FNDC3B: variants seen among roughly 807,000 people sequenced by gnomAD.
FNDC3B encodes the protein fibronectin type III domain-containing protein 3B.
In FNDC3B, 12 loss-of-function variants were observed where a neutral mutation model predicts 151.5. That is an observed-to-expected ratio of 0.08 (90% CI 0.05 to 0.13). The LOEUF is 0.13. Among genes scored for constraint, FNDC3B ranks in the 10% least tolerant of loss-of-function variants. The probability of loss-of-function intolerance (pLI) is 1.00; values close to 1 mark genes in which losing one functional copy is unlikely to be tolerated. For missense variants in FNDC3B, 1,214 were observed against 1,505.3 expected, an observed-to-expected ratio of 0.81 and a Z score of 3.20; for synonymous variants, 528 against 549.0, an observed-to-expected ratio of 0.96 and a Z score of 0.54.
chr3:172,256,040 A>G (rs1728321459), intron 6 of FNDC3B, among the ~76,000 whole-genome samples: 1 of 152,216 alleles, frequency 6.6e-6, no homozygotes, highest in Non-Finnish European at 1.5e-5. Context: ...ATAGATCTCA[A>G]CATTTTAATT....
intron 1 of FNDC3B, among the ~76,000 whole-genome samples, chr3:172,043,071 C>T (rs950616894): frequency 6.6e-6 from 1 of 152,104 alleles, no homozygotes; most frequent in Non-Finnish European, 1.5e-5. Context: ...CTTGCCACCA[C>T]GCCCGGCTAA....
chr3:172,394,090 A>G (rs1011587618), intron 25 of FNDC3B, among the ~76,000 whole-genome samples: 2 of 122,632 alleles, frequency 1.6e-5, no homozygotes, highest in Non-Finnish European at 3.3e-5. Flanking sequence ...CCTGGGTGAC[A>G]GAGTGAGACT....
At chr3:172,271,495 G>A (rs767019659) in intron 6 of FNDC3B, among the ~76,000 whole-genome samples, 59 of 152,246 alleles carry the variant, frequency 3.9e-4, no homozygotes, top group Non-Finnish European at 7.2e-4. Flanking sequence ...TTTTGTTGTT[G>A]TTGTTCAGAA....
intron 6 of FNDC3B, among the ~76,000 whole-genome samples, chr3:172,283,761 T>C (rs1489032996): frequency 6.6e-6 from 1 of 152,212 alleles, no homozygotes. Context: ...CAGTTATCTC[T>C]TGAGATTATA....
chr3:172,381,272 T>C (rs1431458379), intron 25 of FNDC3B, among the ~76,000 whole-genome samples, 179 bp downstream of exon 25: 2 of 152,248 alleles, frequency 1.3e-5, no homozygotes, highest in African/African-American at 4.8e-5. Context: ...CATTTCATTT[T>C]ATATATGGTG....
intron 22 of FNDC3B, among the ~76,000 whole-genome samples, chr3:172,354,888 G>A (rs1734017227): frequency 7.0e-6 from 1 of 143,248 alleles, no homozygotes; most frequent in South Asian, 2.2e-4. Context: ...TTTTTTTTAA[G>A]CCTTCAGCAG....
chr3:172,315,157 G>A (rs1731715597), intron 11 of FNDC3B, among the ~76,000 whole-genome samples: 1 of 152,110 alleles, frequency 6.6e-6, no homozygotes, highest in Non-Finnish European at 1.5e-5. Context: ...CGGGTGGATT[G>A]CCTGAGCTCA....
chr3:172,244,760 G>T (rs1252860109), intron 4 of FNDC3B, among the ~76,000 whole-genome samples: 2 of 151,430 alleles, frequency 1.3e-5, no homozygotes, highest in Non-Finnish European at 2.9e-5. Context: ...GAGTAGCTGG[G>T]ACTACAGGTC....
chr3:172,266,040 C>T (rs534670554), intron 6 of FNDC3B, among the ~76,000 whole-genome samples: 1 of 152,148 alleles, frequency 6.6e-6, no homozygotes, highest in African/African-American at 2.4e-5. Context: ...TCCCTCTGCT[C>T]AATTTGAGGT....
rs140590215 is a variant in FNDC3B at position 172,106,189 on chromosome 3, A to G, written c.-28-6263A>G. Among the ~76,000 whole-genome samples, 394 of 152,272 alleles carry G rather than the reference A, an allele frequency of 2.6e-3. 3 individuals carry two copies. Among genetic ancestry groups the G allele is most frequent in the African/African-American group, 9.0e-3 (373 of 41,544 alleles). The stretch of plus-strand genomic sequence containing the variant: ...CCATCAACCTTTTTTTTAAAGAGAC[A>G]GGGTCTTGCTATGTTGCCCAGGCTG... On this transcript the variant is annotated intron_variant, in intron 1 of 25. Coordinates refer to ENST00000415807, the MANE Select transcript of FNDC3B (RefSeq NM_022763.4).
rs1386211672 is a variant in FNDC3B at position 172,397,509 on chromosome 3, C to T, written c.*34C>T. 2 of 1,367,202 alleles carry T rather than the reference C, an allele frequency of 1.5e-6. No homozygotes were observed. Among genetic ancestry groups the T allele is most frequent in the African/African-American group, 2.9e-5 (2 of 69,202 alleles). 84.7% of individuals were successfully genotyped at this position (1,367,202 alleles called of 1,614,324 possible). On this transcript the variant is annotated 3_prime_UTR_variant, in exon 26 of 26. Transcript: ENST00000415807. ...AAACTAGAGGTATGAATTAATGCTA[C>T]ACATTTTAATACACACATTTATTCA...
At chr3:172,365,205 A>G (rs1343415066) in intron 23 of FNDC3B, among the ~76,000 whole-genome samples, 1 of 152,184 alleles carries the variant, frequency 6.6e-6, no homozygotes, top group East Asian at 1.9e-4. Context: ...AAGGTTCTTT[A>G]GGACCTGGCT....
intron 4 of FNDC3B, among the ~76,000 whole-genome samples, chr3:172,243,072 C>G (rs1377564622): frequency 2.0e-5 from 3 of 152,184 alleles, no homozygotes; most frequent in Admixed American, 6.5e-5. Flanking sequence ...ACCACCTTTG[C>G]TCCACAAGTT....
At chr3:172,365,850 C>T (rs533749506) in intron 23 of FNDC3B, among the ~76,000 whole-genome samples, 61 of 152,214 alleles carry the variant, frequency 4.0e-4, no homozygotes, top group African/African-American at 1.2e-3. Flanking sequence ...AGTATATCTG[C>T]GCTTCATAAT....
At chr3:172,377,468 CGTT>C (rs1194525607) in intron 23 of FNDC3B, among the ~76,000 whole-genome samples, 4 of 152,120 alleles carry the variant, frequency 2.6e-5, no homozygotes, top group Non-Finnish European at 5.9e-5. Context: ...ATTGTGAAAA[CGTT>C]GTTTTCAAGA....
intron 3 of FNDC3B, among the ~76,000 whole-genome samples, chr3:172,186,427 A>G (rs1318637310): frequency 1.3e-5 from 2 of 152,208 alleles, no homozygotes; most frequent in East Asian, 3.9e-4. Flanking sequence ...TTATGGTAGG[A>G]CACATCCATA....
intron 3 of FNDC3B, among the ~76,000 whole-genome samples, chr3:172,203,698 G>C (rs935268202): frequency 6.6e-6 from 1 of 152,170 alleles, no homozygotes; most frequent in Non-Finnish European, 1.5e-5. Flanking sequence ...TAAGGGGAGA[G>C]ACATCCCATG....
chr3:172,275,725 T>C (rs1729401464), intron 6 of FNDC3B, among the ~76,000 whole-genome samples: 1 of 152,224 alleles, frequency 6.6e-6, no homozygotes, highest in Non-Finnish European at 1.5e-5. Flanking sequence ...CAATCTTAAC[T>C]TTTCATTTTA....
intron 23 of FNDC3B, among the ~76,000 whole-genome samples, chr3:172,376,697 G>A (rs1244240606): frequency 6.6e-6 from 1 of 152,090 alleles, no homozygotes; most frequent in African/African-American, 2.4e-5. Context: ...AATTAAAAAT[G>A]TTCAGCCTTT....
Sources: gnomAD v4.1 joint callset for allele counts (sites outside exome capture counted in the v4.1 genomes callset) on GRCh38, gnomAD v4.1.1 for gene constraint, MANE v1.5 for transcripts, NCBI Gene and HGNC (gene_info 2026-07-23, HGNC 2026-07-21) for gene names.